The following XKR6 variants were observed in gnomAD, a reference collection of about 807,000 sequenced individuals.
XKR6 encodes the protein XK related 6.
In XKR6, 22 loss-of-function variants were observed where a neutral mutation model predicts 56.7. That is an observed-to-expected ratio of 0.39 (90% CI 0.28 to 0.55). The LOEUF (loss-of-function observed/expected upper bound fraction) is 0.55, where lower values mean the gene tolerates loss of function less well. Ranked by LOEUF, XKR6 falls within the 20% of genes least tolerant of loss-of-function variation. The pLI, the probability that XKR6 is intolerant of heterozygous loss-of-function variation, is 0.66. For missense variants in XKR6, 852 were observed against 889.0 expected (o/e 0.96, Z 0.53); for synonymous variants, 524 against 387.8 (o/e 1.35, Z -4.13).
At chr8:10,972,949 C>A (rs968766704) in intron 1 of XKR6, among the ~76,000 whole-genome samples, 1 of 152,150 alleles carries the variant, frequency 6.6e-6, no homozygotes, top group African/African-American at 2.4e-5. Context: ...TAAGGGAAAG[C>A]CTGGCCTGCC....
At chr8:11,079,430 A>G (rs763867346) in intron 1 of XKR6, among the ~76,000 whole-genome samples, 1 of 152,264 alleles carries the variant, frequency 6.6e-6, no homozygotes, top group Admixed American at 6.5e-5. Flanking sequence ...AGAACAATAT[A>G]GTGACTATTA....
chr8:11,003,536 A>G (rs989440221), intron 1 of XKR6, among the ~76,000 whole-genome samples: 1 of 152,188 alleles, frequency 6.6e-6, no homozygotes, highest in Non-Finnish European at 1.5e-5. Flanking sequence ...TGATACTAAT[A>G]CTATTATACC....
At chr8:10,993,252 C>T (rs922059315) in intron 1 of XKR6, among the ~76,000 whole-genome samples, 1 of 152,234 alleles carries the variant, frequency 6.6e-6, no homozygotes, top group Non-Finnish European at 1.5e-5. Context: ...ACATTGAATG[C>T]CTCTTACCAA....
chr8:11,147,475 G>C (rs1487053311), intron 1 of XKR6, among the ~76,000 whole-genome samples: 1 of 152,128 alleles, frequency 6.6e-6, no homozygotes, highest in East Asian at 1.9e-4. Context: ...GGCCAACATG[G>C]TGAAACCCCA....
intron 1 of XKR6, among the ~76,000 whole-genome samples, chr8:10,982,506 G>T (rs1443660677): frequency 1.3e-5 from 2 of 152,196 alleles, no homozygotes; most frequent in Non-Finnish European, 2.9e-5. Context: ...GGGCCTTGAT[G>T]TATGTTTAAC....
intron 1 of XKR6, among the ~76,000 whole-genome samples, chr8:10,972,525 T>C (rs1019723167): frequency 2.6e-5 from 4 of 152,202 alleles, no homozygotes; most frequent in African/African-American, 9.7e-5. Flanking sequence ...TGGAATCGTA[T>C]TGCACATTAA....
intron 1 of XKR6, among the ~76,000 whole-genome samples, chr8:11,080,173 T>C (rs1185055339): frequency 6.6e-6 from 1 of 151,982 alleles, no homozygotes; most frequent in East Asian, 1.9e-4. Context: ...TTGAATTTTC[T>C]TAGATGACAC....
intron 1 of XKR6, chr8:11,137,455 C>G (rs754936324): frequency 4.8e-6 from 2 of 417,092 alleles, no homozygotes; most frequent in South Asian, 3.5e-5. Context: ...TCCCTTACAT[C>G]TTCAGCCGAC....
At chr8:10,972,063 T>C (rs1420064867) in intron 1 of XKR6, among the ~76,000 whole-genome samples, 3 of 152,124 alleles carry the variant, frequency 2.0e-5, no homozygotes, top group Non-Finnish European at 2.9e-5. Context: ...CTCGGACCTG[T>C]TGTTAAATAT....
At chr8:10,970,826 CTG>C (rs1802388190) in intron 1 of XKR6, among the ~76,000 whole-genome samples, 1 of 149,572 alleles carries the variant, frequency 6.7e-6, no homozygotes, top group South Asian at 2.1e-4. Context: ...AAAAAAACCT[CTG>C]TATCATTAAC....
intron 1 of XKR6, among the ~76,000 whole-genome samples, chr8:10,945,753 C>A (rs564667889): frequency 6.6e-6 from 1 of 152,182 alleles, no homozygotes; most frequent in Non-Finnish European, 1.5e-5. Context: ...CTATTCCAAG[C>A]CCCCAGGGCA....
intron 1 of XKR6, among the ~76,000 whole-genome samples, chr8:11,157,256 C>T (rs1056535844): frequency 1.1e-4 from 17 of 152,222 alleles, no homozygotes; most frequent in Non-Finnish European, 2.2e-4. Context: ...GTCCACTAGG[C>T]TGAACCTTGG....
intron 1 of XKR6, among the ~76,000 whole-genome samples, chr8:11,031,121 G>C (rs1798983561): frequency 6.6e-6 from 1 of 152,172 alleles, no homozygotes; most frequent in Non-Finnish European, 1.5e-5. Flanking sequence ...CTGTTCACTG[G>C]CTGCTACTGA....
intron 1 of XKR6, among the ~76,000 whole-genome samples, chr8:10,943,279 C>G (rs539803461): frequency 3.9e-5 from 6 of 152,342 alleles, no homozygotes; most frequent in African/African-American, 1.2e-4. Flanking sequence ...GGCAAACAGG[C>G]AGTTACTATG....
intron 1 of XKR6, among the ~76,000 whole-genome samples, chr8:11,166,037 C>T (rs1323922812): frequency 6.6e-6 from 1 of 151,002 alleles, no homozygotes; most frequent in Non-Finnish European, 1.5e-5. Flanking sequence ...CTCACTGCAA[C>T]CTCCACCTCC....
chr8:10,906,294 C>T lies in XKR6; in HGVS notation c.962-7378G>A, dbSNP rs989898995. On this transcript the variant is annotated intron_variant, in intron 2 of 2. Coordinates refer to ENST00000416569, the MANE Select transcript of XKR6 (RefSeq NM_173683.4). ...TGTTAAACATTTACCAGCACACCAC[C>T]GGTCAGGATCAGCCATCCTTCTTGA... 3.3e-5 allele frequency among the ~76,000 whole-genome samples: 5 copies of T among 152,170 alleles called. No homozygotes were observed. The East Asian group carries it at 7.7e-4, about 23-fold the overall frequency.
chr8:11,084,451 A>G (rs568780206), intron 1 of XKR6, among the ~76,000 whole-genome samples: 2 of 152,350 alleles, frequency 1.3e-5, no homozygotes, highest in Non-Finnish European at 2.9e-5. Context: ...TCTCCTGTCT[A>G]AGAATTGCAC....
chr8:11,088,578 C>A (rs1037916228), intron 1 of XKR6, among the ~76,000 whole-genome samples: 1 of 152,164 alleles, frequency 6.6e-6, no homozygotes, highest in Non-Finnish European at 1.5e-5. Context: ...CCTTTCCTTC[C>A]TTCCTTAGGT....
chr8:11,193,827 G>C (rs1803719384), intron 1 of XKR6, among the ~76,000 whole-genome samples: 1 of 146,010 alleles, frequency 6.8e-6, no homozygotes. Flanking sequence ...CGCATATATT[G>C]CTTTAGCTTA....
Sources: gnomAD v4.1 joint callset for allele counts (sites outside exome capture counted in the v4.1 genomes callset) on GRCh38, gnomAD v4.1.1 for gene constraint, MANE v1.5 for transcripts, NCBI Gene and HGNC (gene_info 2026-07-23, HGNC 2026-07-21) for gene names.